The following TENM2 variants were observed in gnomAD, a reference collection of about 807,000 sequenced individuals.
TENM2 encodes the protein teneurin transmembrane protein 2.
TENM2 carries 52 observed loss-of-function variants against 245.2 expected under a neutral mutation model. The observed-to-expected ratio is 0.21, with a 90% CI of 0.17 to 0.27. TENM2 has a LOEUF of 0.27. Ranked by LOEUF, TENM2 falls within the 10% of genes least tolerant of loss-of-function variation. TENM2 has a pLI of 1.00. For synonymous variants in TENM2, 1,363 were observed against 1,438.9 expected (o/e 0.95, Z 1.19); for missense variants, 3,046 against 3,666.8 (o/e 0.83, Z 4.37).
intron 3 of TENM2, among the ~76,000 whole-genome samples, chr5:167,945,339 G>A (rs535047559): frequency 2.6e-5 from 4 of 152,038 alleles, no homozygotes; most frequent in African/African-American, 4.8e-5. Context: ...GCACAGATAC[G>A]TTACAGTTAA....
chr5:167,293,368 A>ATTTTTTTTTTTTTTTTT (rs199972172), intron 1 of TENM2, among the ~76,000 whole-genome samples: 2 of 130,542 alleles, frequency 1.5e-5, no homozygotes, highest in African/African-American at 5.8e-5. Context: ...TGTCCGGCTA[A>ATTTTTTTTTTTTTTTTT]TTTTTTTTTT....
the TENM2 span, among the ~76,000 whole-genome samples, chr5:167,134,064 T>C: frequency 6.6e-6 from 1 of 152,162 alleles, no homozygotes; most frequent in African/African-American, 2.4e-5. Context: ...ATCCATAGAA[T>C]AGTCATCAAA....
the TENM2 span, among the ~76,000 whole-genome samples, chr5:167,136,009 A>T: frequency 6.6e-6 from 1 of 152,086 alleles, no homozygotes; most frequent in South Asian, 2.1e-4. Context: ...TCCATATCCC[A>T]CCCCACTTAT....
chr5:167,660,826 A>T (rs1422441912), intron 2 of TENM2, among the ~76,000 whole-genome samples: 1 of 152,158 alleles, frequency 6.6e-6, no homozygotes, highest in Non-Finnish European at 1.5e-5. Flanking sequence ...TATTATATGT[A>T]TCAGCCATAT....
intron 12 of TENM2, among the ~76,000 whole-genome samples, chr5:168,151,219 A>G (rs1756628645): frequency 6.6e-6 from 1 of 152,204 alleles, no homozygotes. Flanking sequence ...AACTTGTCGC[A>G]TGCATTATGT....
chr5:168,177,577 C>A (rs1309864298), intron 13 of TENM2, among the ~76,000 whole-genome samples: 1 of 152,220 alleles, frequency 6.6e-6, no homozygotes, highest in Non-Finnish European at 1.5e-5. Flanking sequence ...TGGCTCATGC[C>A]TGTAATCCCA....
At chr5:168,016,930 A>G (rs1785707463) in intron 5 of TENM2, among the ~76,000 whole-genome samples, 1 of 152,216 alleles carries the variant, frequency 6.6e-6, no homozygotes, top group Admixed American at 6.5e-5. Flanking sequence ...CAAAGTGCTC[A>G]ATGATTGTTA....
At chr5:167,501,133 C>T (rs1196568781) in intron 2 of TENM2, among the ~76,000 whole-genome samples, 1 of 152,164 alleles carries the variant, frequency 6.6e-6, no homozygotes, top group East Asian at 1.9e-4. Context: ...TGCTTTCTTC[C>T]ATTCGCAGAT....
At chr5:167,073,590 T>C in the TENM2 span, among the ~76,000 whole-genome samples, 1 of 152,228 alleles carries the variant, frequency 6.6e-6, no homozygotes, top group Non-Finnish European at 1.5e-5. Context: ...AATTCTTCAG[T>C]CGCATATCTG....
At chr5:167,403,796 C>A (rs1762490778) in intron 2 of TENM2, among the ~76,000 whole-genome samples, 1 of 151,796 alleles carries the variant, frequency 6.6e-6, no homozygotes, top group South Asian at 2.1e-4. Context: ...AAGCTTGCAC[C>A]AGGGAATAAC....
intron 2 of TENM2, among the ~76,000 whole-genome samples, chr5:167,512,597 T>C (rs551450798): frequency 4.1e-4 from 63 of 152,318 alleles, no homozygotes; most frequent in South Asian, 2.7e-3. Flanking sequence ...TGTATGTTTA[T>C]TTTTCTTTAC....
At chr5:167,325,743 A>T (rs1244046244) in intron 1 of TENM2, among the ~76,000 whole-genome samples, 1 of 152,238 alleles carries the variant, frequency 6.6e-6, no homozygotes, top group Admixed American at 6.5e-5. Flanking sequence ...TTTCACAAAT[A>T]CTTACTATGC....
intron 5 of TENM2, among the ~76,000 whole-genome samples, chr5:168,005,294 G>A (rs181504849): frequency 3.3e-5 from 5 of 152,170 alleles, no homozygotes; most frequent in African/African-American, 1.2e-4. Flanking sequence ...TATGACTAAG[G>A]GATTTCTTAA....
At chr5:167,301,485 G>T (rs1028714357) in intron 1 of TENM2, among the ~76,000 whole-genome samples, 2 of 152,190 alleles carry the variant, frequency 1.3e-5, no homozygotes, top group African/African-American at 4.8e-5. Context: ...TCAGAAATAT[G>T]TTGCCACTTG....
the TENM2 span, among the ~76,000 whole-genome samples, chr5:167,039,111 T>A: frequency 3.9e-4 from 59 of 152,180 alleles, no homozygotes; most frequent in Non-Finnish European, 7.1e-4. Flanking sequence ...CTTCATCGAA[T>A]CAAACCAGAA....
At chr5:167,173,466 T>G in the TENM2 span, among the ~76,000 whole-genome samples, 2 of 152,192 alleles carry the variant, frequency 1.3e-5, no homozygotes, top group Non-Finnish European at 2.9e-5. Context: ...AAGGCTCCTC[T>G]GGGTACCGCT....
chr5:166,996,113 G>T, the TENM2 span, among the ~76,000 whole-genome samples: 3 of 152,046 alleles, frequency 2.0e-5, no homozygotes, highest in Non-Finnish European at 2.9e-5. Context: ...GGAGGCCGAG[G>T]CGGACAGATC....
chr5:167,350,966 T>G (rs1758854676), intron 1 of TENM2, among the ~76,000 whole-genome samples: 1 of 82,666 alleles, frequency 1.2e-5, no homozygotes, highest in Non-Finnish European at 2.6e-5. Context: ...GATATATATA[T>G]GGGGTATATA....
At chr5:167,521,817 C>T (rs1401548167) in intron 2 of TENM2, among the ~76,000 whole-genome samples, 1 of 151,990 alleles carries the variant, frequency 6.6e-6, no homozygotes, top group Non-Finnish European at 1.5e-5. Context: ...CCAGTTCTTC[C>T]CTTATTGGAG....
Sources: gnomAD v4.1 joint callset for allele counts (sites outside exome capture counted in the v4.1 genomes callset) on GRCh38, gnomAD v4.1.1 for gene constraint, MANE v1.5 for transcripts, NCBI Gene and HGNC (gene_info 2026-07-23, HGNC 2026-07-21) for gene names.